Variants in SYN3 observed in about 807,000 individuals in gnomAD.
SYN3 encodes the protein synapsin-3.
SYN3 carries 35 observed loss-of-function variants against 65.8 expected under a neutral mutation model. That is an observed-to-expected ratio of 0.53 (90% CI 0.41 to 0.70). The LOEUF is 0.70. Ranked by LOEUF, SYN3 falls within the 30% of genes least tolerant of loss-of-function variation. The pLI is 0.00. For missense variants in SYN3, 680 were observed against 749.0 expected (o/e 0.91, Z 1.08); for synonymous variants, 270 against 292.9 (o/e 0.92, Z 0.80).
At chr22:33,015,843 T>TC (rs2053454682) in intron 1 of SYN3, among the ~76,000 whole-genome samples, 4 of 146,046 alleles carry the variant, frequency 2.7e-5, no homozygotes, top group African/African-American at 7.6e-5. Context: ...AAATTTTCTT[T>TC]TCTTTTTTTT....
At chr22:32,744,587 G>T (rs1278085510) in intron 6 of SYN3, among the ~76,000 whole-genome samples, 1 of 152,144 alleles carries the variant, frequency 6.6e-6, no homozygotes, top group African/African-American at 2.4e-5. Context: ...AGTAAGAGAC[G>T]GTCAAATGCA....
At chr22:33,049,959 G>T (rs563208107) in intron 1 of SYN3, among the ~76,000 whole-genome samples, 1 of 152,266 alleles carries the variant, frequency 6.6e-6, no homozygotes, top group South Asian at 2.1e-4. Context: ...TTTGGCACTG[G>T]AAAGGGGCCT....
chr22:32,759,670 ACGGCACC>A (rs2045400476), intron 6 of SYN3, among the ~76,000 whole-genome samples: 1 of 56,732 alleles, frequency 1.8e-5, no homozygotes, highest in African/African-American at 6.1e-5. Flanking sequence ...GCCAGCACCC[ACGGCACC>A]CCCAGCCAGC....
At chr22:32,870,100 G>A (rs1057134417) in intron 4 of SYN3, among the ~76,000 whole-genome samples, 30 of 152,150 alleles carry the variant, frequency 2.0e-4, no homozygotes, top group African/African-American at 6.8e-4. Context: ...GCAATAGGGA[G>A]CACTTATAAC....
At chr22:32,988,346 T>TAATAAA (rs1050273077) in intron 2 of SYN3, among the ~76,000 whole-genome samples, 2 of 136,120 alleles carry the variant, frequency 1.5e-5, no homozygotes, top group East Asian at 2.2e-4. Flanking sequence ...ATAATAATAA[T>TAATAAA]AAAATAAATA....
intron 6 of SYN3, among the ~76,000 whole-genome samples, chr22:32,697,010 CT>C (rs1243782655): frequency 1.3e-5 from 2 of 152,230 alleles, no homozygotes; most frequent in Non-Finnish European, 2.9e-5. Context: ...AAATCTCTCT[CT>C]GTCCACAGAA....
At position 32,628,613 on chromosome 22, in the gene SYN3, T is replaced by C. The variant is rs185638065; in HGVS notation, c.712-31877A>G. Reference sequence around the variant, plus strand: ...GTCATTTAAATTTGGCCGGGCGTGGTGGCTCATGCCTATAATCCCAGCTAC... The same window carrying C: ...GTCATTTAAATTTGGCCGGGCGTGGCGGCTCATGCCTATAATCCCAGCTAC... On this transcript the variant is annotated intron_variant, in intron 6 of 13. Coordinates refer to ENST00000358763, the MANE Select transcript of SYN3 (RefSeq NM_003490.4). 5.7e-3 allele frequency among the ~76,000 whole-genome samples: 874 copies of C among 152,272 alleles called. 2 individuals carry two copies. The highest frequency in any genetic ancestry group is 9.0e-3 in the Non-Finnish European group (611 of 68,036).
chr22:32,554,925 T>C (rs1414129185), intron 7 of SYN3, among the ~76,000 whole-genome samples: 4 of 152,242 alleles, frequency 2.6e-5, no homozygotes, highest in Non-Finnish European at 5.9e-5. Flanking sequence ...TGTGGATAAC[T>C]TGAATACTGG....
At chr22:32,814,738 G>C (rs1007309630) in intron 6 of SYN3, among the ~76,000 whole-genome samples, 1 of 151,998 alleles carries the variant, frequency 6.6e-6, no homozygotes, top group Admixed American at 6.5e-5. Flanking sequence ...ATTCCTTCTG[G>C]TATCCCTCTG....
At chr22:33,039,214 G>A (rs2053916200) in intron 1 of SYN3, among the ~76,000 whole-genome samples, 1 of 152,032 alleles carries the variant, frequency 6.6e-6, no homozygotes. Context: ...AAGGTCACCC[G>A]GGCAGTACGG....
chr22:32,551,763 A>G (rs2058419192), intron 7 of SYN3, among the ~76,000 whole-genome samples: 1 of 152,172 alleles, frequency 6.6e-6, no homozygotes, highest in South Asian at 2.1e-4. Context: ...ATTCACTGAA[A>G]TATTTATGGG....
At chr22:32,529,167 C>T (rs2058030457) in intron 10 of SYN3, 159 bp from the exon 11 acceptor site, 9 of 836,158 alleles carry the variant, frequency 1.1e-5, no homozygotes, top group Admixed American at 2.4e-5. Context: ...TGGCCGGCAG[C>T]GACATCAGTT....
intron 6 of SYN3, among the ~76,000 whole-genome samples, chr22:32,812,326 G>A (rs16991240): frequency 0.018 from 2,723 of 152,242 alleles, 72 homozygotes; most frequent in African/African-American, 0.055. Flanking sequence ...TTGCAAAAGT[G>A]GATGCGGGCT....
chr22:33,056,666 T>A (rs2054259027), intron 1 of SYN3, among the ~76,000 whole-genome samples: 1 of 152,260 alleles, frequency 6.6e-6, no homozygotes, highest in Non-Finnish European at 1.5e-5. Context: ...AAGCGCCAAG[T>A]CTTTTTCCAG....
intron 4 of SYN3, among the ~76,000 whole-genome samples, chr22:32,923,448 T>C (rs977949904): frequency 3.3e-5 from 5 of 152,212 alleles, no homozygotes; most frequent in Admixed American, 6.5e-5. Flanking sequence ...CTGGGTAAAT[T>C]AACCATCACA....
At position 32,511,097 on chromosome 22, in the gene SYN3, T is replaced by A. The variant is rs1257504886; in HGVS notation, c.*2595A>T. On this transcript the variant is annotated 3_prime_UTR_variant, in exon 14 of 14. Coordinates refer to ENST00000358763, the MANE Select transcript of SYN3 (RefSeq NM_003490.4). ...ATACTCTCTTCTGTTAGATTTCTTT[T>A]AACAGAATAACTTTAAAAGGTACCC... 6.6e-6 allele frequency among the ~76,000 whole-genome samples: 1 copy of A among 152,112 alleles called. No homozygotes were observed. The highest frequency in any genetic ancestry group is 2.4e-5 in the African/African-American group (1 of 41,412).
chr22:32,790,581 A>G (rs2046303539), intron 6 of SYN3, among the ~76,000 whole-genome samples: 1 of 152,032 alleles, frequency 6.6e-6, no homozygotes, highest in African/African-American at 2.4e-5. Context: ...ACGTGCTACC[A>G]AGCTTGGCTA....
chr22:32,770,066 A>G (rs764214914), intron 6 of SYN3, among the ~76,000 whole-genome samples: 10 of 152,118 alleles, frequency 6.6e-5, no homozygotes, highest in Non-Finnish European at 1.5e-4. Context: ...AGCTTTCCCC[A>G]TCTCAGTTGA....
intron 6 of SYN3, among the ~76,000 whole-genome samples, chr22:32,767,563 G>A (rs130527): frequency 0.94 from 142,507 of 152,324 alleles, 66,765 homozygotes; most frequent in African/African-American, 0.97. Context: ...TATGAATGGC[G>A]TCATGACTAG....
Sources: allele counts gnomAD v4.1 joint callset (sites outside exome capture counted in the v4.1 genomes callset), GRCh38; gene constraint gnomAD v4.1.1; transcripts MANE v1.5; gene names NCBI Gene and HGNC (gene_info 2026-07-23, HGNC 2026-07-21).